The following IL1RAPL1 variants were observed in gnomAD, a reference collection of about 807,000 sequenced individuals.
IL1RAPL1 encodes interleukin 1 receptor accessory protein like 1, also known as interleukin-1 receptor accessory protein-like 1.
IL1RAPL1 carries 3 observed loss-of-function variants against 48.4 expected under a neutral mutation model. The observed-to-expected ratio is 0.06, with a 90% CI of 0.03 to 0.16. IL1RAPL1 has a LOEUF of 0.16. IL1RAPL1 is among the 10% of genes least tolerant of loss of function. The pLI, the probability that IL1RAPL1 is intolerant of heterozygous loss-of-function variation, is 1.00. For missense variants in IL1RAPL1, 349 were observed against 530.6 expected (o/e 0.66, Z 3.36); for synonymous variants, 185 against 187.7 (o/e 0.99, Z 0.12).
chrX:29,097,696 T>C (rs944946924), intron 2 of IL1RAPL1, among the ~76,000 whole-genome samples: 1 of 81,255 alleles, frequency 1.2e-5, no homozygotes, highest in African/African-American at 3.5e-5. Flanking sequence ...TCAACTACAC[T>C]GAAAAAAAAA....
chrX:28,997,425 T>C (rs950097986), intron 2 of IL1RAPL1, among the ~76,000 whole-genome samples: 1 of 111,703 alleles, frequency 9.0e-6, no homozygotes, highest in African/African-American at 3.3e-5. Flanking sequence ...GTTTTCTGTT[T>C]CCACAGTTTA....
chrX:28,969,935 A>G (rs1405904012), intron 2 of IL1RAPL1, among the ~76,000 whole-genome samples: 10 of 111,336 alleles, frequency 9.0e-5, no homozygotes, highest in South Asian at 7.6e-4. Flanking sequence ...ACACATATAT[A>G]TGTTTCTAAA....
chrX:29,915,995 T>C (rs1401825867), intron 6 of IL1RAPL1, among the ~76,000 whole-genome samples: 7 of 96,946 alleles, frequency 7.2e-5, no homozygotes, highest in East Asian at 6.7e-4. Flanking sequence ...TGAGAATATG[T>C]GGTGTTTGGT....
chrX:29,135,219 T>A (rs867384831), intron 2 of IL1RAPL1, among the ~76,000 whole-genome samples: 19 of 112,044 alleles, frequency 1.7e-4, no homozygotes, highest in Non-Finnish European at 3.2e-4. Context: ...CCACAATTTA[T>A]TTATTGAATA....
rs763151072 is a variant in IL1RAPL1 at position 29,174,422 on chromosome X, A to T, written c.83-108516A>T. Among the ~76,000 whole-genome samples, 4 of 112,393 alleles carry T rather than the reference A, an allele frequency of 3.6e-5. No homozygotes were observed. In the South Asian group the frequency reaches 1.5e-3, roughly 41 times the overall value. On this transcript the variant is annotated intron_variant, in intron 2 of 10. Coordinates refer to ENST00000378993, the MANE Select transcript of IL1RAPL1 (RefSeq NM_014271.4). ...GGAGCCATAAAGGAAAATATATCAA[A>T]TAGAAAAATGAAATATATTAAGGTG... is the stretch of plus-strand genomic sequence containing the variant.
chrX:29,803,683 T>A (rs1243825464), intron 6 of IL1RAPL1, among the ~76,000 whole-genome samples: 1 of 106,362 alleles, frequency 9.4e-6, no homozygotes, highest in Non-Finnish European at 1.9e-5. Context: ...TTTATGTGCA[T>A]GAATTGTGTG....
intron 2 of IL1RAPL1, among the ~76,000 whole-genome samples, chrX:28,902,269 T>C (rs1428658318): frequency 9.0e-6 from 1 of 110,634 alleles, no homozygotes; most frequent in Non-Finnish European, 1.9e-5. Flanking sequence ...CCTCCCTGGC[T>C]CAAGCCATCT....
intron 2 of IL1RAPL1, among the ~76,000 whole-genome samples, chrX:29,006,860 T>A (rs1251528757): frequency 2.7e-5 from 3 of 110,818 alleles, no homozygotes; most frequent in African/African-American, 9.8e-5. Flanking sequence ...TATATATTTA[T>A]AAAATGCATA....
At chrX:29,334,768 C>A (rs1250794464) in intron 3 of IL1RAPL1, among the ~76,000 whole-genome samples, 27 of 111,412 alleles carry the variant, frequency 2.4e-4, no homozygotes, top group African/African-American at 9.2e-4. Context: ...GGCGGCCGGG[C>A]AGAGACGCTC....
Position 28,674,117 on chromosome X carries a change from T to TA in IL1RAPL1, c.-25+86075dup, listed in dbSNP as rs947133030. 6.1e-4 allele frequency among the ~76,000 whole-genome samples: 69 copies of TA among 112,323 alleles called. 1 individual carries two copies. The highest frequency in any genetic ancestry group is 2.0e-3 in the African/African-American group (61 of 31,050). The stretch of plus-strand genomic sequence containing the variant: ...AATGCGATTGTTTTGTTAAATACTT[T>TA]AAAAATTGTATTGACTTCTCAAACT... On this transcript the variant is annotated intron_variant, in intron 1 of 10. Transcript: ENST00000378993.
intron 2 of IL1RAPL1, among the ~76,000 whole-genome samples, chrX:29,282,665 G>A (rs1243556886): frequency 1.8e-5 from 2 of 111,878 alleles, no homozygotes; most frequent in Admixed American, 9.5e-5. Flanking sequence ...GAACTAAGAG[G>A]CAATAAATCA....
chrX:28,739,408 AC>A lies in IL1RAPL1; in HGVS notation c.-24-49910del, dbSNP rs201522089. Among the ~76,000 whole-genome samples, 795 of 111,920 alleles carry A rather than the reference AC, an allele frequency of 7.1e-3. 11 individuals are homozygous for A. The highest frequency in any genetic ancestry group is 0.024 in the African/African-American group (741 of 30,803). The stretch of plus-strand genomic sequence containing the variant: ...GATCTCGCTGTCTTTACACTTCTGT[AC>A]CAACAATAAAAGCTAACACATATTT... On this transcript the variant is annotated intron_variant, in intron 1 of 10. Coordinates refer to ENST00000378993, the MANE Select transcript of IL1RAPL1 (RefSeq NM_014271.4).
intron 2 of IL1RAPL1, among the ~76,000 whole-genome samples, chrX:29,212,466 G>A (rs755058691): frequency 5.7e-4 from 63 of 111,021 alleles, no homozygotes; most frequent in Non-Finnish European, 9.8e-4. Flanking sequence ...CCACCACCAT[G>A]CCCAGCTAAT....
chrX:28,793,774 T>C (rs1282192181), intron 2 of IL1RAPL1, among the ~76,000 whole-genome samples: 1 of 110,696 alleles, frequency 9.0e-6, no homozygotes, highest in African/African-American at 3.3e-5. Flanking sequence ...TGAAGAAAAA[T>C]GAAGCTAGAG....
chrX:29,167,024 A>G (rs906949459), intron 2 of IL1RAPL1, among the ~76,000 whole-genome samples: 2 of 112,105 alleles, frequency 1.8e-5, no homozygotes, highest in South Asian at 7.4e-4. Context: ...CTTCACAGCA[A>G]TAATCATAGA....
chrX:29,252,781 T>A (rs753755741), intron 2 of IL1RAPL1, among the ~76,000 whole-genome samples: 1 of 111,574 alleles, frequency 9.0e-6, no homozygotes, highest in Admixed American at 9.6e-5. Flanking sequence ...AGTGCTTTTT[T>A]AATAGGAAGA....
chrX:29,247,724 G>A (rs1157726086), intron 2 of IL1RAPL1, among the ~76,000 whole-genome samples: 1 of 111,936 alleles, frequency 8.9e-6, no homozygotes, highest in Non-Finnish European at 1.9e-5. Context: ...AGAGGTTGCA[G>A]TGAGCCAAGA....
At position 29,319,552 on chromosome X, in the gene IL1RAPL1, ATG is replaced by A. The variant is rs1209852526; in HGVS notation, c.362+36337_362+36338del. 8.5e-3 allele frequency among the ~76,000 whole-genome samples: 751 copies of A among 88,792 alleles called. 9 individuals are homozygous for A. Among genetic ancestry groups the A allele is most frequent in the African/African-American group, 0.029 (722 of 24,915 alleles). The allele number at this position is 88,792 out of a possible 115,157, so 77.1% of individuals were successfully genotyped here. ...TATGTATGTATGTATGTATGTATGT[ATG>A]TATGTATCTATCTATCTATCTATCC... On this transcript the variant is annotated intron_variant, in intron 3 of 10. Coordinates refer to ENST00000378993, the MANE Select transcript of IL1RAPL1 (RefSeq NM_014271.4).
chrX:28,653,339 G>A (rs774926597), intron 1 of IL1RAPL1, among the ~76,000 whole-genome samples: 1 of 110,508 alleles, frequency 9.0e-6, no homozygotes, highest in Admixed American at 9.7e-5. Context: ...GCCAGGCGTG[G>A]TGGCAGGCAC....
Sources: allele counts gnomAD v4.1 joint callset (sites outside exome capture counted in the v4.1 genomes callset), GRCh38; gene constraint gnomAD v4.1.1; transcripts MANE v1.5; gene names NCBI Gene and HGNC (gene_info 2026-07-23, HGNC 2026-07-21).